TNFAIP2: variants seen among roughly 807,000 people sequenced by gnomAD.
TNFAIP2 encodes TNF alpha induced protein 2.
A neutral mutation model predicts 63.5 loss-of-function variants in TNFAIP2; 47 were observed. The observed-to-expected ratio is 0.74, with a 90% CI of 0.59 to 0.94. The LOEUF (loss-of-function observed/expected upper bound fraction) is 0.94. Ranked by LOEUF, TNFAIP2 falls within the 40% of genes least tolerant of loss-of-function variation. The pLI is 0.00. For synonymous variants in TNFAIP2, 405 were observed against 390.2 expected (o/e 1.04, Z -0.45); for missense variants, 787 against 850.2 (o/e 0.93, Z 0.92).
upstream of TNFAIP2, chr14:103,122,894 C>T (rs1371357840): frequency 4.4e-6 from 2 of 452,046 alleles, no homozygotes; most frequent in Non-Finnish European, 8.9e-6. Flanking sequence ...CAAGGCTTGA[C>T]GACCGGAGGG....
Position 103,132,789 on chromosome 14 carries a change from C to A in TNFAIP2, c.1462C>A (p.Pro488Thr). 2 of 1,613,932 alleles carry A rather than the reference C, an allele frequency of 1.2e-6. No individual in the cohort carries two copies. Among genetic ancestry groups the A allele is most frequent in the Non-Finnish European group, 1.7e-6 (2 of 1,179,924 alleles). ...KRFTHTRWAA[P>T]VETLENIIAT... ...GTTCACGCACACCCGCTGGGCGGCC[C>A]CTGTGGAGACCCTGGAAAACATCAT... Residue 488 changes from proline (P) to threonine (T), a missense_variant, in exon 9 of 12, where the codon CCT becomes ACT. Pro to Thr is a conservative substitution (Grantham distance 38). This residue lies in a region of TNFAIP2 where 523 missense variants were observed against 604.1 expected (regional missense o/e 0.87). Coordinates refer to ENST00000560869, the MANE Select transcript of TNFAIP2 (RefSeq NM_006291.4).
In TNFAIP2 at chr14:103,127,231, G is replaced by A; in HGVS notation, c.462G>A (p.Ala154=). Residue 154 remains alanine (A), a synonymous_variant, in exon 3 of 12, where the codon GCG becomes GCA. Transcript: ENST00000560869. This position sits in a 1 kb window ranked among gnomAD's most constrained non-coding sequence, Gnocchi z 5.1. The part of the protein sequence containing the change: ...LEAPPERLRQ[A]LAVVAEQERE... ...CGCCGCCCGAGCGGCTGCGCCAGGC[G>A]CTGGCCGTGGTGGCGGAGCAGGAGC... 2.8e-6 allele frequency: 3 copies of A among 1,080,850 alleles called. No homozygotes were observed. The highest frequency in any genetic ancestry group is 2.7e-5 in the South Asian group (1 of 36,548). 67.0% of individuals were successfully genotyped at this position (1,080,850 alleles called of 1,614,324 possible).
Position 103,129,991 on chromosome 14 carries a change from T to G in TNFAIP2, c.976-11T>G, listed in dbSNP as rs775571001. On this transcript the variant is annotated splice_polypyrimidine_tract_variant and intron_variant, in intron 4 of 11. Transcript: ENST00000560869. ...GGATAGTGCCCCAGTGACCTGCCCC[T>G]CCTCCTCCAGGCCAATGTGAGGGAG... 2 of 1,610,640 alleles carry G rather than the reference T, an allele frequency of 1.2e-6. No individual in the cohort carries two copies. Among genetic ancestry groups the G allele is most frequent in the Non-Finnish European group, 1.7e-6 (2 of 1,179,618 alleles).
chr14:103,133,528 G>T lies in TNFAIP2; in HGVS notation c.1701+11G>T, dbSNP rs774313164. ...TTCTGCACCCAGCACGTAAGCCGCT[G>T]CCCACCTCTCCCAAGCCCCTCTGAA... On this transcript the variant is annotated intron_variant, in intron 10 of 11. Coordinates refer to ENST00000560869, the MANE Select transcript of TNFAIP2 (RefSeq NM_006291.4). 4 of 1,612,256 alleles carry T rather than the reference G, an allele frequency of 2.5e-6. No homozygotes were observed. Among genetic ancestry groups the T allele is most frequent in the Non-Finnish European group, 3.4e-6 (4 of 1,178,998 alleles).
intron 11 of TNFAIP2, among the ~76,000 whole-genome samples, chr14:103,134,666 C>T (rs987088419): frequency 6.6e-6 from 1 of 151,308 alleles, no homozygotes; most frequent in African/African-American, 2.4e-5. Flanking sequence ...CATCCATCTG[C>T]TCACCCACCC....
At chr14:103,122,545 G>A (rs1891150386), upstream of TNFAIP2, 1 of 411,630 alleles carries the variant, frequency 2.4e-6, no homozygotes, top group Admixed American at 2.6e-5. Context: ...TCTCCAGTGG[G>A]TTCCCTTCAC....
intron 9 of TNFAIP2, 138 bp downstream of exon 9, chr14:103,133,010 G>GTT: frequency 7.2e-7 from 1 of 1,383,464 alleles, no homozygotes; most frequent in Non-Finnish European, 9.8e-7. Context: ...ACGAGCATGT[G>GTT]AACACGTGCA....
At position 103,130,423 on chromosome 14, in the gene TNFAIP2, T is replaced by C; in HGVS notation, c.1199+8T>C. ...GCCTGCGTTCCTGAGGAGGTGGGTGTGTGCCCAGGATGGGGTCCCTGTAGC... is the reference window on the plus strand; with the variant it reads ...GCCTGCGTTCCTGAGGAGGTGGGTGCGTGCCCAGGATGGGGTCCCTGTAGC... On this transcript the variant is annotated splice_region_variant and intron_variant, in intron 6 of 11. Coordinates refer to ENST00000560869, the MANE Select transcript of TNFAIP2 (RefSeq NM_006291.4). 1 of 1,555,262 alleles carries C rather than the reference T, an allele frequency of 6.4e-7. No individual in the cohort carries two copies. The highest frequency in any genetic ancestry group is 1.2e-5 in the South Asian group (1 of 84,380).
Position 103,127,196 on chromosome 14 carries a change from C to A in TNFAIP2, c.427C>A (p.Pro143Thr). Residue 143 changes from proline to threonine, a missense_variant, in exon 3 of 12, where the codon CCG becomes ACG. By Grantham distance (38) the Pro-to-Thr change is conservative (BLOSUM62 -1). Transcript: ENST00000560869. The surrounding 1 kb of genome is among the most constrained non-coding windows in gnomAD (Gnocchi z 5.1). Reference sequence around the variant, plus strand: ...CCAGGTGCTGGGCGTGCTGCGGCGGCCGCTGGAGGCGCCGCCCGAGCGGCT... The same window carrying A: ...CCAGGTGCTGGGCGTGCTGCGGCGGACGCTGGAGGCGCCGCCCGAGCGGCT... The part of the protein sequence containing the change: ...RDQVLGVLRR[P>T]LEAPPERLRQ... The A allele has an allele frequency of 8.9e-7, 1 of 1,123,208 alleles. No homozygotes were observed. The highest frequency in any genetic ancestry group is 2.4e-5 in the South Asian group (1 of 42,362). 69.6% of individuals were successfully genotyped at this position (1,123,208 alleles called of 1,614,324 possible).
intron 2 of TNFAIP2, 53 bp from the exon 3 acceptor site, chr14:103,126,952 C>T: frequency 1.6e-6 from 2 of 1,283,512 alleles, no homozygotes; most frequent in Non-Finnish European, 2.0e-6. Context: ...CTGGCCGCCC[C>T]GCCCGGTGGG....
intron 9 of TNFAIP2, among the ~76,000 whole-genome samples, 188 bp downstream of exon 9, chr14:103,133,060 G>A (rs773156193): frequency 2.0e-5 from 3 of 152,066 alleles, no homozygotes; most frequent in East Asian, 1.9e-4. Context: ...GTGAACGCAC[G>A]AGCATGTGAA....
rs1399135674 is a variant in TNFAIP2 at position 103,127,159 on chromosome 14, G to A, written c.390G>A (p.Glu130=). Residue 130 remains glutamate, a synonymous_variant, in exon 3 of 12, where the codon GAG becomes GAA. Coordinates refer to ENST00000560869, the MANE Select transcript of TNFAIP2 (RefSeq NM_006291.4). This position sits in a 1 kb window ranked among gnomAD's most constrained non-coding sequence, Gnocchi z 5.1. ...RRQSKVEALY[E]LLRDQVLGVL... ...AGAGCAAGGTGGAGGCGCTGTACGA[G>A]CTGCTGCGCGACCAGGTGCTGGGCG... 4 of 1,119,226 alleles carry A rather than the reference G, an allele frequency of 3.6e-6. 1 individual carries two copies. The highest frequency in any genetic ancestry group is 2.7e-5 in the South Asian group (1 of 36,696). The allele number at this position is 1,119,226 out of a possible 1,614,324, so 69.3% of individuals were successfully genotyped here. A position where few individuals can be genotyped will look rare whatever the true frequency, so the allele number is the denominator to read the frequency against.
In TNFAIP2 at chr14:103,126,619, G is replaced by T; in HGVS notation, c.162G>T (p.Lys54Asn). ...TCTTCACCAAAGGGAAGAAGAAGAA[G>T]GGTCAGCCCAGCTCAGCGGAGCCCG... is the stretch of plus-strand genomic sequence containing the variant. ...FCVFTKGKKK[K>N]GQPSSAEPED... The change falls in exon 2 of 12, where the codon AAG (lysine) becomes AAT (asparagine). Residue 54 changes from lysine (K) to asparagine (N), a missense_variant. By Grantham distance (94) the Lys-to-Asn change is moderately conservative (BLOSUM62 0). Around this residue, in one of 3 missense-constraint regions of TNFAIP2, gnomAD observed 258 missense variants for 228.9 expected, o/e 1.13. Coordinates refer to ENST00000560869, the MANE Select transcript of TNFAIP2 (RefSeq NM_006291.4). 1 of 1,554,306 alleles carries T rather than the reference G, an allele frequency of 6.4e-7. No individual in the cohort carries two copies. Among genetic ancestry groups the T allele is most frequent in the Non-Finnish European group, 8.7e-7 (1 of 1,148,698 alleles).
At chr14:103,124,892 G>T (rs1377052828) in intron 1 of TNFAIP2, among the ~76,000 whole-genome samples, 1 of 152,242 alleles carries the variant, frequency 6.6e-6, no homozygotes, top group East Asian at 1.9e-4. Flanking sequence ...CAGGGGCTGG[G>T]GGTGGGAGGA....
chr14:103,130,123 A>G lies in TNFAIP2; in HGVS notation c.1097A>G (p.Gln366Arg). 6.2e-7 allele frequency: 1 copy of G among 1,612,458 alleles called. No homozygotes were observed. Residue 366 changes from glutamine (Q) to arginine (R), a missense_variant and splice_region_variant, in exon 5 of 12, where the codon CAG (glutamine) becomes CGG (arginine). Around this residue, in one of 3 missense-constraint regions of TNFAIP2, gnomAD observed 523 missense variants for 604.1 expected, o/e 0.87. Coordinates refer to ENST00000560869, the MANE Select transcript of TNFAIP2 (RefSeq NM_006291.4). ...CHSELAIDII[Q>R]ITSQAQAKAE... is the part of the protein sequence containing the mutation. ...AGCGAGCTGGCCATCGACATCATCC[A>G]GGTACTGCAATCTGCCCCAGGGCAC...
intron 6 of TNFAIP2, 25 bp downstream of exon 6, chr14:103,130,440 C>A: frequency 6.5e-7 from 1 of 1,549,156 alleles, no homozygotes; most frequent in South Asian, 1.2e-5. Context: ...AGGATGGGGT[C>A]CCTGTAGCCA....
At position 103,135,886 on chromosome 14, in the gene TNFAIP2, C is replaced by A. The variant is rs1313213270; in HGVS notation, c.*526C>A. ...GGAAGAGAAAGAAGGAAAAGATGAG[C>A]TCTCGTCTGGCAGGGGCTTTTAGGG... On this transcript the variant is annotated 3_prime_UTR_variant, in exon 12 of 12. Coordinates refer to ENST00000560869, the MANE Select transcript of TNFAIP2 (RefSeq NM_006291.4). This position sits in a 1 kb window ranked among gnomAD's most constrained non-coding sequence, Gnocchi z 7.6. 7.8e-7 allele frequency: 1 copy of A among 1,290,120 alleles called. No individual in the cohort carries two copies. Among genetic ancestry groups the A allele is most frequent in the South Asian group, 1.2e-5 (1 of 81,038 alleles). The allele number at this position is 1,290,120 out of a possible 1,614,324, so 79.9% of individuals were successfully genotyped here. A position where few individuals can be genotyped will look rare whatever the true frequency, so the allele number is the denominator to read the frequency against.
Position 103,127,296 on chromosome 14 carries a change from C to T in TNFAIP2, c.527C>T (p.Ser176Leu). The change falls in exon 3 of 12, where the codon TCG becomes TTG. Residue 176 changes from serine to leucine, a missense_variant. Ser to Leu is a moderately radical substitution (Grantham distance 145). Transcript: ENST00000560869. The surrounding 1 kb of genome is among the most constrained non-coding windows in gnomAD (Gnocchi z 5.1). ...RQAAAAGPGT[S>L]GLAATRPRRW... The stretch of plus-strand genomic sequence containing the variant: ...GCGGCGGCGGCGGGGCCGGGGACCT[C>T]GGGGCTGGCGGCCACGCGCCCGCGG... 1 of 987,620 alleles carries T rather than the reference C, an allele frequency of 1.0e-6. No individual in the cohort carries two copies. Among genetic ancestry groups the T allele is most frequent in the Non-Finnish European group, 1.2e-6 (1 of 833,178 alleles). 61.2% of individuals were successfully genotyped at this position (987,620 alleles called of 1,614,324 possible).
chr14:103,129,729 C>T lies in TNFAIP2; in HGVS notation c.861-11C>T. ...TATAGTTGTCCTCATGCCAGCCTCC[C>T]CTGCCTGCAGTGACATCATCAACAG... On this transcript the variant is annotated splice_polypyrimidine_tract_variant and intron_variant, in intron 3 of 11. Transcript: ENST00000560869. The T allele has an allele frequency of 1.9e-6, 3 of 1,612,526 alleles. No individual in the cohort carries two copies. Among genetic ancestry groups the T allele is most frequent in the South Asian group, 1.1e-5 (1 of 91,012 alleles).
Sources: allele counts gnomAD v4.1 joint callset (sites outside exome capture counted in the v4.1 genomes callset), GRCh38; gene constraint gnomAD v4.1.1; regional missense constraint gnomAD v4.1.1; non-coding constraint Gnocchi (gnomAD v3.1); transcripts MANE v1.5; gene names NCBI Gene and HGNC (gene_info 2026-07-23, HGNC 2026-07-21).